FBLN1: variants seen among roughly 807,000 people sequenced by gnomAD.
FBLN1 encodes the protein fibulin-1.
Under a neutral mutation model 89.7 loss-of-function variants are expected in FBLN1, and 34 were observed. The ratio of observed to expected loss-of-function variants is 0.38; its 90% CI spans 0.29 to 0.50. The LOEUF (loss-of-function observed/expected upper bound fraction) is 0.50, where lower values mean the gene tolerates loss of function less well. FBLN1 is among the 20% of genes least tolerant of loss of function. The pLI is 0.92. For synonymous variants in FBLN1, 393 were observed against 391.3 expected, an observed-to-expected ratio of 1.00 and a Z score of -0.05; for missense variants, 777 against 988.1, an observed-to-expected ratio of 0.79 and a Z score of 2.86.
intron 14 of FBLN1, among the ~76,000 whole-genome samples, chr22:45,555,316 A>G (rs565493158): frequency 1.3e-4 from 19 of 146,694 alleles, no homozygotes; most frequent in Admixed American, 1.0e-3. Context: ...TATGGAATAT[A>G]TATATAAAGT....
intron 14 of FBLN1, among the ~76,000 whole-genome samples, chr22:45,555,178 C>CTCTG (rs937069019): frequency 2.0e-5 from 3 of 151,632 alleles, no homozygotes; most frequent in Non-Finnish European, 2.9e-5. Context: ...TGGGACCCGT[C>CTCTG]TCTGTCTCCA....
At chr22:45,587,987 G>T (rs2089103056) in intron 16 of FBLN1, among the ~76,000 whole-genome samples, 1 of 152,186 alleles carries the variant, frequency 6.6e-6, no homozygotes, top group African/African-American at 2.4e-5. Context: ...CTGGGGGCAG[G>T]TCCTGCTCTG....
chr22:45,514,570 T>TG (rs1438702400), intron 1 of FBLN1, among the ~76,000 whole-genome samples: 3 of 152,160 alleles, frequency 2.0e-5, no homozygotes, highest in Admixed American at 1.3e-4. Context: ...GGGATTTTCC[T>TG]GGGGGTCACT....
rs2088693755 is a variant in FBLN1 at position 45,550,945 on chromosome 22, T to C, written c.1697+330T>C. 1 of 422,190 alleles carries C rather than the reference T, an allele frequency of 2.4e-6. No homozygotes were observed. The highest frequency in any genetic ancestry group is 4.5e-6 in the Non-Finnish European group (1 of 224,604). 26.2% of individuals were successfully genotyped at this position (422,190 alleles called of 1,614,324 possible). A position where few individuals can be genotyped will look rare whatever the true frequency, so the allele number is the denominator to read the frequency against. On this transcript the variant is annotated intron_variant, in intron 14 of 16. Coordinates refer to ENST00000327858, the MANE Select transcript of FBLN1 (RefSeq NM_006486.3). The surrounding 1 kb of genome is among the most constrained non-coding windows in gnomAD (Gnocchi z 8.4). ...CTCTCTGGGCCTCAGTTTCCTCATC[T>C]GTAACATGCAGATGTCAGAACGTGC...
chr22:45,593,595 G>A lies in FBLN1; in HGVS notation c.1973-6712G>A, dbSNP rs188089237. On this transcript the variant is annotated intron_variant, in intron 16 of 16. Transcript: ENST00000327858. ...TTTCTGGGGCTTCGGAAAGGTAGGA[G>A]GCAAACACCCTGGCAGGTAAGACAG... Among the ~76,000 whole-genome samples, 301 of 152,262 alleles carry A rather than the reference G, an allele frequency of 2.0e-3. 2 individuals carry two copies. Among genetic ancestry groups the A allele is most frequent in the African/African-American group, 6.3e-3 (263 of 41,546 alleles).
At chr22:45,504,591 G>T (rs1314119099) in intron 1 of FBLN1, among the ~76,000 whole-genome samples, 1 of 152,156 alleles carries the variant, frequency 6.6e-6, no homozygotes, top group African/African-American at 2.4e-5. Flanking sequence ...CAGAGGCCCC[G>T]ATTGTGTCGA....
rs557763753 is a variant in FBLN1 at position 45,538,727 on chromosome 22, A to G, written c.923-2502A>G. ...CTGCTCCCACACCTCTGCCCATGGT[A>G]CCCGCTCCCTCACCCAGGAACAGCA... On this transcript the variant is annotated intron_variant, in intron 8 of 16. Transcript: ENST00000327858. 1.1e-4 allele frequency among the ~76,000 whole-genome samples: 17 copies of G among 152,112 alleles called. No individual in the cohort carries two copies. In the South Asian group the frequency reaches 3.1e-3, roughly 28 times the overall value.
chr22:45,599,898 C>G (rs1462873769), intron 16 of FBLN1, among the ~76,000 whole-genome samples: 1 of 152,166 alleles, frequency 6.6e-6, no homozygotes, highest in Non-Finnish European at 1.5e-5. Flanking sequence ...GCCTGGGCAA[C>G]AAGAGTGAAA....
Position 45,547,340 on chromosome 22 carries a change from AC to A in FBLN1, c.1441+139del, listed in dbSNP as rs931766796. On this transcript the variant is annotated intron_variant, in intron 12 of 16. Coordinates refer to ENST00000327858, the MANE Select transcript of FBLN1 (RefSeq NM_006486.3). ...TTCACCTGACAAACCTTCCATGTCCACCCTTGGAGGCAAGCGGGTGGTTTGC... is the reference window on the plus strand; with the variant it reads ...TTCACCTGACAAACCTTCCATGTCCACCTTGGAGGCAAGCGGGTGGTTTGC... 55 of 887,778 alleles carry A rather than the reference AC, an allele frequency of 6.2e-5. No individual in the cohort carries two copies. The African/African-American group carries it at 1.1e-3, about 18-fold the overall frequency. 55.0% of individuals were successfully genotyped at this position (887,778 alleles called of 1,614,324 possible). A position where few individuals can be genotyped will look rare whatever the true frequency, so the allele number is the denominator to read the frequency against.
rs1260710973 is a variant in FBLN1, at chr22:45,574,128, C to T, written c.1698-383C>T. Among the ~76,000 whole-genome samples, 1 of 152,222 alleles carries T rather than the reference C, an allele frequency of 6.6e-6. No individual in the cohort carries two copies. The highest frequency in any genetic ancestry group is 1.5e-5 in the Non-Finnish European group (1 of 68,046). ...AAGGCGGGACCATGTGTCCCTTGTT[C>T]ACTTTGCTGTCCCTAGCAGCCGGCG... On this transcript the variant is annotated intron_variant, in intron 14 of 16. Transcript: ENST00000327858. The surrounding 1 kb of genome is among the most constrained non-coding windows in gnomAD (Gnocchi z 4.1).
At position 45,578,215 on chromosome 22, in the gene FBLN1, CTT is replaced by C. The variant is rs1380829086; in HGVS notation, c.1972+1109_1972+1110del. 5 of 152,230 alleles carry C rather than the reference CTT, an allele frequency of 3.3e-5. No homozygotes were observed. Among genetic ancestry groups the C allele is most frequent in the Admixed American group, 6.5e-5 (1 of 15,278 alleles). The allele number at this position is 152,230 out of a possible 1,614,324, so 9.4% of individuals were successfully genotyped here. A position where few individuals can be genotyped will look rare whatever the true frequency, so the allele number is the denominator to read the frequency against. Reference sequence around the variant, plus strand: ...CGCTGTTGGACCTTGGACGCTCAGTCTTTGCGCCTCAAACCCGACGGTTGTTA... The same window carrying C: ...CGCTGTTGGACCTTGGACGCTCAGTCTGCGCCTCAAACCCGACGGTTGTTA... On this transcript the variant is annotated intron_variant, in intron 16 of 16. Transcript: ENST00000327858. This position sits in a 1 kb window ranked among gnomAD's most constrained non-coding sequence, Gnocchi z 4.6.
chr22:45,599,696 T>A (rs1011496687), intron 16 of FBLN1, among the ~76,000 whole-genome samples: 24 of 152,014 alleles, frequency 1.6e-4, no homozygotes, highest in African/African-American at 5.8e-4. Context: ...AGCGGGTGGA[T>A]CACCTGAGGT....
At chr22:45,598,583 C>T (rs562406828) in intron 16 of FBLN1, among the ~76,000 whole-genome samples, 42 of 152,316 alleles carry the variant, frequency 2.8e-4, no homozygotes, top group Middle Eastern at 3.4e-3. Flanking sequence ...CCCAGCCCTC[C>T]CCACCTCCAT....
intron 16 of FBLN1, among the ~76,000 whole-genome samples, chr22:45,582,256 A>T (rs182581644): frequency 1.6e-4 from 24 of 152,304 alleles, no homozygotes; most frequent in African/African-American, 5.1e-4. Context: ...GGCATCTGTC[A>T]GCCGTGGTTG....
chr22:45,567,971 G>A (rs1443735627), intron 14 of FBLN1, among the ~76,000 whole-genome samples: 10 of 152,170 alleles, frequency 6.6e-5, no homozygotes, highest in African/African-American at 2.4e-4. Flanking sequence ...AGGGGCTGGC[G>A]CAGGCTTGCT....
At position 45,531,822 on chromosome 22, in the gene FBLN1, C is replaced by T. The variant is rs953452065; in HGVS notation, c.544+498C>T. Among the ~76,000 whole-genome samples, 3 of 152,128 alleles carry T rather than the reference C, an allele frequency of 2.0e-5. No homozygotes were observed. Among genetic ancestry groups the T allele is most frequent in the Non-Finnish European group, 2.9e-5 (2 of 68,018 alleles). Reference sequence around the variant, plus strand: ...CCAGAGCTGGTGTGGAAAGCCTGCACGTTACCGAGCCCCCAGGCCTTGTGA... The same window carrying T: ...CCAGAGCTGGTGTGGAAAGCCTGCATGTTACCGAGCCCCCAGGCCTTGTGA... On this transcript the variant is annotated intron_variant, in intron 5 of 16. Coordinates refer to ENST00000327858, the MANE Select transcript of FBLN1 (RefSeq NM_006486.3). This position sits in a 1 kb window ranked among gnomAD's most constrained non-coding sequence, Gnocchi z 4.9.
intron 14 of FBLN1, among the ~76,000 whole-genome samples, chr22:45,554,314 C>G (rs2088748749): frequency 1.3e-5 from 2 of 152,202 alleles, no homozygotes; most frequent in South Asian, 2.1e-4. Context: ...TCCTCAGAGG[C>G]CCCCCTGGGG....
In FBLN1 at chr22:45,543,504, T is replaced by C; in HGVS notation, c.1299T>C (p.Ser433=). ...GCTGTTCCGTGGGCTTCCGGCTCTC[T>C]GTGGATGGCAGGTCATGTGAAGGTG... The part of the protein sequence containing the change: ...LCSCSVGFRL[S]VDGRSCEDIN... The change falls in exon 11 of 17, where the codon TCT becomes TCC. Residue 433 remains serine (S), a synonymous_variant. Coordinates refer to ENST00000327858, the MANE Select transcript of FBLN1 (RefSeq NM_006486.3). 6.2e-7 allele frequency: 1 copy of C among 1,613,762 alleles called. No individual in the cohort carries two copies. Among genetic ancestry groups the C allele is most frequent in the Non-Finnish European group, 8.5e-7 (1 of 1,179,986 alleles).
intron 9 of FBLN1, among the ~76,000 whole-genome samples, chr22:45,541,589 C>G (rs2146980433): frequency 6.6e-6 from 1 of 152,266 alleles, no homozygotes; most frequent in South Asian, 2.1e-4. Flanking sequence ...TTGTCCTGAG[C>G]CCAAAGCTCT....
Sources: gnomAD v4.1 joint callset for allele counts (sites outside exome capture counted in the v4.1 genomes callset) on GRCh38, gnomAD v4.1.1 for gene constraint, Gnocchi (gnomAD v3.1) non-coding constraint, MANE v1.5 for transcripts, NCBI Gene and HGNC (gene_info 2026-07-23, HGNC 2026-07-21) for gene names.